The following IFIH1 variants were observed in gnomAD, a reference collection of about 807,000 sequenced individuals.
The protein encoded by IFIH1 is interferon induced with helicase C domain 1.
In IFIH1, 125 loss-of-function variants were observed where a neutral mutation model predicts 107.4. The observed-to-expected ratio is 1.16, with a 90% CI of 1.01 to 1.35. IFIH1 has a LOEUF of 1.35. Ranked by LOEUF, IFIH1 falls within the 40% of genes most tolerant of loss-of-function variation. IFIH1 has a pLI of 0.00. For synonymous variants in IFIH1, 458 were observed against 413.2 expected (o/e 1.11, Z -1.31); for missense variants, 1,333 against 1,213.7 (o/e 1.10, Z -1.46).
At chr2:162,284,163 C>T (rs917486460) in intron 5 of IFIH1, among the ~76,000 whole-genome samples, 1 of 151,890 alleles carries the variant, frequency 6.6e-6, no homozygotes, top group Non-Finnish European at 1.5e-5. Context: ...TTGAGAGTCA[C>T]AGCTCTGCTC....
chr2:162,282,703 C>A (rs948439229), intron 5 of IFIH1, 127 bp from the exon 6 acceptor site: 3 of 617,748 alleles, frequency 4.9e-6, no homozygotes, highest in Non-Finnish European at 8.5e-6. Context: ...TCAGGCATAA[C>A]AACGTTCCCA....
chr2:162,286,592 TACTC>T (rs942513067), intron 5 of IFIH1, among the ~76,000 whole-genome samples: 1 of 151,204 alleles, frequency 6.6e-6, no homozygotes, highest in African/African-American at 2.4e-5. Flanking sequence ...GAGGTGGTAT[TACTC>T]ACAAAGAGAC....
At chr2:162,288,614 A>C (rs184609184) in intron 4 of IFIH1, among the ~76,000 whole-genome samples, 3 of 152,054 alleles carry the variant, frequency 2.0e-5, no homozygotes, top group Non-Finnish European at 4.4e-5. Flanking sequence ...TGGAAGGAGC[A>C]ACATGGGGGA....
Position 162,267,125 on chromosome 2 carries a change from G to T in IFIH1, c.*75C>A. Reference sequence around the variant, plus strand: ...TATTGATTCTTATGTCAGTTCTGTAGCATAATGAATACATTAATCATAATC... The same window carrying T: ...TATTGATTCTTATGTCAGTTCTGTATCATAATGAATACATTAATCATAATC... On this transcript the variant is annotated 3_prime_UTR_variant, in exon 16 of 16. Coordinates refer to ENST00000649979, the MANE Select transcript of IFIH1 (RefSeq NM_022168.4). 1 of 1,081,964 alleles carries T rather than the reference G, an allele frequency of 9.2e-7. No individual in the cohort carries two copies. The highest frequency in any genetic ancestry group is 1.3e-6 in the Non-Finnish European group (1 of 747,144). 67.0% of individuals were successfully genotyped at this position (1,081,964 alleles called of 1,614,324 possible).
At chr2:162,280,487 G>T (rs1682787191) in intron 7 of IFIH1, among the ~76,000 whole-genome samples, 1 of 151,944 alleles carries the variant, frequency 6.6e-6, no homozygotes, top group Non-Finnish European at 1.5e-5. Context: ...ATGATTTTGA[G>T]ATAACCATGT....
Position 162,282,538 on chromosome 2 carries a change from T to A in IFIH1, c.1134A>T (p.Gln378His), listed in dbSNP as rs750443621. 28 of 1,611,170 alleles carry A rather than the reference T, an allele frequency of 1.7e-5. No homozygotes were observed. The Admixed American group carries it at 3.0e-4, about 17-fold the overall frequency. ...LVEQLFRKEF[Q>H]PFLKKWYRVI... is the part of the protein sequence containing the mutation. The stretch of plus-strand genomic sequence containing the variant: ...CACGATACCATTTCTTCAAAAATGG[T>A]TGGAACTCCTTGCGGAAGAGCTGTT... The change falls in exon 6 of 16, where the codon CAA (glutamine) becomes CAT (histidine). Residue 378 changes from glutamine to histidine, a missense_variant. Gln to His is a conservative substitution (Grantham distance 24). Transcript: ENST00000649979.
At chr2:162,307,563 G>A (rs1365764677) in intron 2 of IFIH1, among the ~76,000 whole-genome samples, 1 of 151,976 alleles carries the variant, frequency 6.6e-6, no homozygotes, top group African/African-American at 2.4e-5. Context: ...CATGTAATGG[G>A]TATTTTATTA....
At chr2:162,298,637 C>T (rs898219441) in intron 3 of IFIH1, among the ~76,000 whole-genome samples, 2 of 152,106 alleles carry the variant, frequency 1.3e-5, no homozygotes, top group East Asian at 3.9e-4. Flanking sequence ...CACACAAAGA[C>T]TGCATGGGCT....
chr2:162,290,801 A>G (rs1682983615), intron 4 of IFIH1, among the ~76,000 whole-genome samples: 1 of 151,924 alleles, frequency 6.6e-6, no homozygotes, highest in Non-Finnish European at 1.5e-5. Flanking sequence ...TCAATGTGAG[A>G]CTAGCATCCA....
In IFIH1 at chr2:162,267,573, T is replaced by C. The variant is rs1690950946; in HGVS notation, c.2808-4A>G. On this transcript the variant is annotated splice_region_variant and splice_polypyrimidine_tract_variant and intron_variant, in intron 14 of 15. Transcript: ENST00000649979. ...TTCTCTTACAATGTAAAGTTCCCTA[T>C]AAGTATCAAAGGGAAAGAATCATCA... The C allele has an allele frequency of 1.3e-6, 2 of 1,588,990 alleles. No homozygotes were observed. Among genetic ancestry groups the C allele is most frequent in the East Asian group, 2.2e-5 (1 of 44,816 alleles).
chr2:162,272,712 G>A (rs1258329930), intron 12 of IFIH1, among the ~76,000 whole-genome samples: 1 of 152,146 alleles, frequency 6.6e-6, no homozygotes, highest in Non-Finnish European at 1.5e-5. Context: ...CAATGACTTG[G>A]ACTGAGGAGT....
intron 11 of IFIH1, among the ~76,000 whole-genome samples, chr2:162,275,667 A>C (rs921241933): frequency 6.6e-6 from 1 of 152,206 alleles, no homozygotes; most frequent in Non-Finnish European, 1.5e-5. Context: ...TTGAATAGTG[A>C]TAACTATAAT....
intron 2 of IFIH1, 121 bp from the exon 3 acceptor site, chr2:162,306,976 T>C (rs1319590127): frequency 2.0e-5 from 15 of 745,296 alleles, no homozygotes; most frequent in African/African-American, 5.3e-5. Context: ...TGCCTGAATA[T>C]ATTTAAATAC....
chr2:162,286,873 A>G (rs540787311), intron 5 of IFIH1, among the ~76,000 whole-genome samples: 19 of 152,102 alleles, frequency 1.2e-4, no homozygotes, highest in Non-Finnish European at 2.2e-4. Context: ...ATATAATCCA[A>G]TTGAAATTTC....
intron 3 of IFIH1, among the ~76,000 whole-genome samples, chr2:162,300,472 C>T (rs1683174589): frequency 6.6e-6 from 1 of 152,112 alleles, no homozygotes; most frequent in Non-Finnish European, 1.5e-5. Flanking sequence ...GGTAATCCTC[C>T]TAGGACTATT....
intron 3 of IFIH1, among the ~76,000 whole-genome samples, chr2:162,294,741 C>A (rs933939457): frequency 1.3e-5 from 2 of 151,636 alleles, no homozygotes; most frequent in African/African-American, 4.8e-5. Flanking sequence ...TAATGTTCTT[C>A]TTTTAATTAA....
At chr2:162,309,322 G>C (rs1419475146) in intron 2 of IFIH1, among the ~76,000 whole-genome samples, 2 of 152,166 alleles carry the variant, frequency 1.3e-5, no homozygotes, top group African/African-American at 4.8e-5. Context: ...CATCCTGAGG[G>C]CTCACTAAAA....
intron 8 of IFIH1, among the ~76,000 whole-genome samples, 193 bp from the exon 9 acceptor site, chr2:162,278,521 C>T (rs1682746089): frequency 6.6e-6 from 1 of 152,116 alleles, no homozygotes; most frequent in Non-Finnish European, 1.5e-5. Flanking sequence ...CATCAAGCCA[C>T]ACCCACACCA....
chr2:162,314,512 G>A (rs980439274), intron 1 of IFIH1, among the ~76,000 whole-genome samples: 1 of 138,602 alleles, frequency 7.2e-6, no homozygotes, highest in African/African-American at 2.7e-5. Context: ...CTTATTAGAT[G>A]GAGTCTCGCT....
Sources: allele counts gnomAD v4.1 joint callset (sites outside exome capture counted in the v4.1 genomes callset), GRCh38; gene constraint gnomAD v4.1.1; transcripts MANE v1.5; gene names NCBI Gene and HGNC (gene_info 2026-07-23, HGNC 2026-07-21).